Variants in PRKG1 observed in about 807,000 individuals in gnomAD.
The protein encoded by PRKG1 is cGMP-dependent protein kinase 1.
In PRKG1, 35 loss-of-function variants were observed where a neutral mutation model predicts 88.1. That is an observed-to-expected ratio of 0.40 (90% CI 0.30 to 0.53). The LOEUF is 0.53. Ranked by LOEUF, PRKG1 falls within the 20% of genes least tolerant of loss-of-function variation. PRKG1 has a pLI of 0.59. For missense variants in PRKG1, 540 were observed against 839.8 expected (o/e 0.64, Z 4.41); for synonymous variants, 303 against 292.5 (o/e 1.04, Z -0.37).
intron 3 of PRKG1, among the ~76,000 whole-genome samples, chr10:51,534,189 G>C (rs1053042661): frequency 6.6e-6 from 1 of 152,124 alleles, no homozygotes; most frequent in Non-Finnish European, 1.5e-5. Flanking sequence ...CCCAATTAAA[G>C]TTGTAATTGT....
intron 3 of PRKG1, among the ~76,000 whole-genome samples, chr10:51,477,737 G>A (rs746120698): frequency 1.7e-4 from 26 of 151,958 alleles, no homozygotes; most frequent in African/African-American, 2.4e-4. Context: ...TCGAACTTTC[G>A]TCATTTGCCG....
rs138785050 is a variant in PRKG1 at position 51,733,960 on chromosome 10, C to T, written c.593-70625C>T. On this transcript the variant is annotated intron_variant, in intron 3 of 17. Coordinates refer to ENST00000373980, the MANE Select transcript of PRKG1 (RefSeq NM_006258.4). ...TAGGAAAAAACTCCATATACTCCAG[C>T]TATTAAATAGTGTTATTATTCTGTA... Among the ~76,000 whole-genome samples, 856 of 152,206 alleles carry T rather than the reference C, an allele frequency of 5.6e-3. 7 individuals carry two copies. The highest frequency in any genetic ancestry group is 0.02 in the African/African-American group (826 of 41,530).
intron 9 of PRKG1, chr10:52,184,694 C>T (rs886249940): frequency 6.6e-6 from 1 of 152,136 alleles, no homozygotes; most frequent in Non-Finnish European, 1.5e-5. Flanking sequence ...GCAGGTTCAT[C>T]AGGGAGCATA....
chr10:52,238,854 A>C (rs988061275), intron 9 of PRKG1, among the ~76,000 whole-genome samples: 1 of 149,786 alleles, frequency 6.7e-6, no homozygotes, highest in Admixed American at 6.7e-5. Context: ...TCATGCTGCT[A>C]TAAAGACACA....
chr10:51,975,308 C>T (rs1007623513), intron 5 of PRKG1, among the ~76,000 whole-genome samples: 7 of 151,986 alleles, frequency 4.6e-5, no homozygotes, highest in Non-Finnish European at 1.0e-4. Context: ...CACTTTAGGA[C>T]AGAAGCAGCC....
intron 7 of PRKG1, among the ~76,000 whole-genome samples, chr10:52,082,236 C>A (rs575576973): frequency 1.3e-5 from 2 of 152,234 alleles, no homozygotes; most frequent in South Asian, 2.1e-4. Flanking sequence ...CCCATTGGGT[C>A]CCTCCCGCAA....
chr10:52,019,898 A>G (rs1486306167), intron 5 of PRKG1, among the ~76,000 whole-genome samples: 1 of 152,162 alleles, frequency 6.6e-6, no homozygotes, highest in African/African-American at 2.4e-5. Context: ...TTGAGCTTTA[A>G]ATTCTTGTTA....
intron 5 of PRKG1, among the ~76,000 whole-genome samples, chr10:51,970,744 T>G (rs917836851): frequency 6.8e-6 from 1 of 146,750 alleles, no homozygotes; most frequent in African/African-American, 2.5e-5. Context: ...AGATTATATA[T>G]ATATATCAGA....
intron 12 of PRKG1, among the ~76,000 whole-genome samples, chr10:52,273,198 A>C (rs1327329518): frequency 6.6e-6 from 1 of 152,058 alleles, no homozygotes; most frequent in Non-Finnish European, 1.5e-5. Context: ...CTTCTAATAT[A>C]ATTTATCCTA....
chr10:51,361,521 A>G (rs1842479958), intron 2 of PRKG1, among the ~76,000 whole-genome samples: 1 of 151,858 alleles, frequency 6.6e-6, no homozygotes, highest in Non-Finnish European at 1.5e-5. Context: ...ATGTTTTTGA[A>G]ATCTTGTTCA....
intron 2 of PRKG1, among the ~76,000 whole-genome samples, chr10:51,181,688 G>A (rs74133506): frequency 0.053 from 8,076 of 152,178 alleles, 400 homozygotes; most frequent in African/African-American, 0.13. Flanking sequence ...CACATGTATT[G>A]TCTCATTTTA....
chr10:51,222,941 G>A (rs1488064228), intron 2 of PRKG1, among the ~76,000 whole-genome samples: 1 of 151,528 alleles, frequency 6.6e-6, no homozygotes, highest in Non-Finnish European at 1.5e-5. Flanking sequence ...TATACAATGT[G>A]AAATGATTAC....
At chr10:52,099,208 T>TA (rs397730739) in intron 7 of PRKG1, among the ~76,000 whole-genome samples, 3 of 151,522 alleles carry the variant, frequency 2.0e-5, no homozygotes, top group African/African-American at 7.3e-5. Context: ...CTCATTTTTT[T>TA]ATTGGCTTTC....
chr10:51,372,993 T>C (rs1281908729), intron 2 of PRKG1, among the ~76,000 whole-genome samples: 2 of 152,164 alleles, frequency 1.3e-5, no homozygotes, highest in Non-Finnish European at 2.9e-5. Flanking sequence ...TGTTTTCTTT[T>C]TCTTGTAATG....
chr10:51,891,696 G>A (rs1219654228), intron 4 of PRKG1, among the ~76,000 whole-genome samples: 1 of 152,140 alleles, frequency 6.6e-6, no homozygotes, highest in Non-Finnish European at 1.5e-5. Flanking sequence ...AGGTTTGCAG[G>A]TCATATGGTC....
Position 52,056,303 on chromosome 10 carries a change from A to G in PRKG1, c.840+1742A>G, listed in dbSNP as rs983938654. On this transcript the variant is annotated intron_variant, in intron 6 of 17. Transcript: ENST00000373980. Reference sequence around the variant, plus strand: ...GGATGTAAATTATTTGAAAAGTTGCATAGGGAATTTGTCCTGACATTCTAG... The same window carrying G: ...GGATGTAAATTATTTGAAAAGTTGCGTAGGGAATTTGTCCTGACATTCTAG... 2.0e-5 allele frequency among the ~76,000 whole-genome samples: 3 copies of G among 152,324 alleles called. No individual in the cohort carries two copies. In the East Asian group the frequency reaches 5.8e-4, roughly 29 times the overall value.
At chr10:51,781,606 A>G (rs1055937215) in intron 3 of PRKG1, among the ~76,000 whole-genome samples, 1 of 152,136 alleles carries the variant, frequency 6.6e-6, no homozygotes, top group East Asian at 1.9e-4. Flanking sequence ...TTACCCCTTT[A>G]TAGATATTCA....
intron 1 of PRKG1, among the ~76,000 whole-genome samples, chr10:51,032,132 G>T (rs1459294958): frequency 6.6e-6 from 1 of 152,134 alleles, no homozygotes; most frequent in African/African-American, 2.4e-5. Context: ...GGCTCCTGAA[G>T]CAGCTGCCAG....
chr10:51,282,914 G>A (rs1382089316), intron 2 of PRKG1, among the ~76,000 whole-genome samples: 2 of 152,134 alleles, frequency 1.3e-5, no homozygotes, highest in South Asian at 2.1e-4. Flanking sequence ...TGGGTATGTT[G>A]TGTGATTGAT....
Sources: gnomAD v4.1 joint callset for allele counts (sites outside exome capture counted in the v4.1 genomes callset) on GRCh38, gnomAD v4.1.1 for gene constraint, MANE v1.5 for transcripts, NCBI Gene and HGNC (gene_info 2026-07-23, HGNC 2026-07-21) for gene names.